The following PDE8B variants were observed in gnomAD, a reference collection of about 807,000 sequenced individuals.
The protein encoded by PDE8B is high affinity cAMP-specific and IBMX-insensitive 3',5'-cyclic phosphodiesterase 8B.
Under a neutral mutation model 101.3 loss-of-function variants are expected in PDE8B, and 26 were observed. The ratio of observed to expected loss-of-function variants is 0.26; its 90% CI spans 0.19 to 0.36. The LOEUF (loss-of-function observed/expected upper bound fraction) is 0.36. Among genes scored for constraint, PDE8B ranks in the 10% least tolerant of loss-of-function variants. The pLI is 1.00. For missense variants in PDE8B, 810 were observed against 1,163.1 expected (o/e 0.70, Z 4.42); for synonymous variants, 424 against 429.3 (o/e 0.99, Z 0.15).
the PDE8B span, among the ~76,000 whole-genome samples, chr5:77,172,749 T>C: frequency 6.6e-6 from 1 of 152,212 alleles, no homozygotes. Context: ...GTACCAGTGC[T>C]GACTAGGGGG....
intron 12 of PDE8B, among the ~76,000 whole-genome samples, chr5:77,405,723 A>T (rs1481340798): frequency 1.3e-5 from 2 of 152,156 alleles, no homozygotes; most frequent in Non-Finnish European, 1.5e-5. Flanking sequence ...ATGAACCAAG[A>T]ACAAGAGGGG....
chr5:77,168,775 C>T, the PDE8B span, among the ~76,000 whole-genome samples: 1 of 152,336 alleles, frequency 6.6e-6, no homozygotes, highest in South Asian at 2.1e-4. Flanking sequence ...GGTCCAGACA[C>T]AGCATTTCTA....
chr5:77,425,819 G>A lies in PDE8B; in HGVS notation c.2471G>A (p.Arg824Gln), dbSNP rs771924329. 8.7e-6 allele frequency: 14 copies of A among 1,612,532 alleles called. No individual in the cohort carries two copies. Among genetic ancestry groups the A allele is most frequent in the African/African-American group, 1.3e-5 (1 of 74,854 alleles). Residue 824 changes from arginine to glutamine, a missense_variant, in exon 21 of 22, where the codon CGG becomes CAG. Arg to Gln is a conservative substitution (Grantham distance 43, BLOSUM62 1). Transcript: ENST00000264917. ...CCTGTGGTGATGCCAGTGTTTGACC[G>A]GAATACCTGTAGCATCCCCAAGTCT... Reference protein sequence around the residue: ...GLPVVMPVFDRNTCSIPKSQI... With the variant: ...GLPVVMPVFDQNTCSIPKSQI...
rs922415132 is a variant in PDE8B at position 77,211,687 on chromosome 5, C to T, written c.339+423C>T. On this transcript the variant is annotated intron_variant, in intron 1 of 21. Coordinates refer to ENST00000264917, the MANE Select transcript of PDE8B (RefSeq NM_003719.5). The surrounding 1 kb of genome is among the most constrained non-coding windows in gnomAD (Gnocchi z 4.1). ...GCCTTGTAGGTGACTGGTGCAGTTG[C>T]AGCACCAGGATAGATAGTGCCCCAT... Among the ~76,000 whole-genome samples, 1 of 152,246 alleles carries T rather than the reference C, an allele frequency of 6.6e-6. No homozygotes were observed. The highest frequency in any genetic ancestry group is 6.5e-5 in the Admixed American group (1 of 15,290).
In PDE8B at chr5:77,417,668, T is replaced by G. The variant is rs76991949; in HGVS notation, c.1912-561T>G. ...CCTTTGCTGCCTGCTAGCCCAGAGC[T>G]GAATTTTGTTCTTATTTGCAAGAAC... On this transcript the variant is annotated intron_variant, in intron 17 of 21. Transcript: ENST00000264917. 8.3e-3 allele frequency among the ~76,000 whole-genome samples: 1,262 copies of G among 152,324 alleles called. 21 individuals are homozygous for G. Among genetic ancestry groups the G allele is most frequent in the African/African-American group, 0.029 (1,205 of 41,556 alleles).
the PDE8B span, among the ~76,000 whole-genome samples, chr5:77,198,479 C>T: frequency 6.6e-6 from 1 of 152,148 alleles, no homozygotes; most frequent in Admixed American, 6.5e-5. Flanking sequence ...CTACAAAAGC[C>T]TGTCTGAGCC....
In PDE8B at chr5:77,349,527, G is replaced by A. The variant is rs764138388; in HGVS notation, c.985G>A (p.Asp329Asn). ...CGATAAGAACCGGGCAGACCTTCTC[G>A]ACACCATCAATACATGCATCAAGAA... ...KSDKNRADLL[D>N]TINTCIKKGK... The change falls in exon 8 of 22, where the codon GAC (aspartate) becomes AAC (asparagine). Residue 329 changes from aspartate (D) to asparagine (N), a missense_variant. Around this residue, in one of 4 missense-constraint regions of PDE8B, gnomAD observed 251 missense variants for 378.8 expected, o/e 0.66. Transcript: ENST00000264917. 5.0e-6 allele frequency: 8 copies of A among 1,613,936 alleles called. No homozygotes were observed. Among genetic ancestry groups the A allele is most frequent in the East Asian group, 2.2e-5 (1 of 44,892 alleles).
chr5:77,244,210 G>A (rs1222299756), intron 1 of PDE8B, among the ~76,000 whole-genome samples: 1 of 152,052 alleles, frequency 6.6e-6, no homozygotes, highest in Non-Finnish European at 1.5e-5. Flanking sequence ...CTTGGGGGTG[G>A]GGTAAACCGG....
Position 77,354,234 on chromosome 5 carries a change from G to A in PDE8B, c.1167+828G>A, listed in dbSNP as rs374912300. On this transcript the variant is annotated intron_variant, in intron 10 of 21. Transcript: ENST00000264917. ...CCTGGAGATCAACTGGAACCAGCAG[G>A]ACGTGAGTAGACAGTGGGGTGAGCC... 8.9e-4 allele frequency among the ~76,000 whole-genome samples: 135 copies of A among 152,310 alleles called. 1 individual carries two copies. Among genetic ancestry groups the A allele is most frequent in the Non-Finnish European group, 1.6e-3 (108 of 68,026 alleles).
At position 77,425,334 on chromosome 5, in the gene PDE8B, G is replaced by A. The variant is rs532434360; in HGVS notation, c.2419-433G>A. On this transcript the variant is annotated intron_variant, in intron 20 of 21. Coordinates refer to ENST00000264917, the MANE Select transcript of PDE8B (RefSeq NM_003719.5). ...CCAGCACTTTGGGAGGCCAAGGGAG[G>A]CAGATCATCTGAGGTCAGGAGTTCA... Among the ~76,000 whole-genome samples, 12 of 152,304 alleles carry A rather than the reference G, an allele frequency of 7.9e-5. No individual in the cohort carries two copies. The South Asian group carries it at 2.3e-3, about 29-fold the overall frequency.
At chr5:77,107,914 TTC>T in the PDE8B span, among the ~76,000 whole-genome samples, 1 of 152,192 alleles carries the variant, frequency 6.6e-6, no homozygotes, top group African/African-American at 2.4e-5. Flanking sequence ...ATACAGGGAA[TTC>T]GTATTCCCCT....
chr5:77,423,211 A>G (rs1039383379), intron 20 of PDE8B, among the ~76,000 whole-genome samples: 5 of 152,204 alleles, frequency 3.3e-5, no homozygotes, highest in Non-Finnish European at 5.9e-5. Context: ...TTATGGCTGC[A>G]TAGTATTCCA....
In PDE8B at chr5:77,230,669, C is replaced by G. The variant is rs546646457; in HGVS notation, c.339+19405C>G. Among the ~76,000 whole-genome samples, 5 of 152,188 alleles carry G rather than the reference C, an allele frequency of 3.3e-5. No homozygotes were observed. In the South Asian group the frequency reaches 1.0e-3, roughly 32 times the overall value. On this transcript the variant is annotated intron_variant, in intron 1 of 21. Transcript: ENST00000264917. The stretch of plus-strand genomic sequence containing the variant: ...TTTTGTATTTTGGCCAGGCTGGTCT[C>G]GAACTTCTGACCTCAAGTGATCCAC...
At chr5:77,360,877 C>T (rs1186288498) in intron 10 of PDE8B, among the ~76,000 whole-genome samples, 2 of 152,182 alleles carry the variant, frequency 1.3e-5, no homozygotes, top group African/African-American at 2.4e-5. Context: ...TACAGAGCCT[C>T]ATGACCACTC....
At position 77,389,429 on chromosome 5, in the gene PDE8B, A is replaced by G. The variant is rs957178632; in HGVS notation, c.1168-10819A>G. On this transcript the variant is annotated intron_variant, in intron 10 of 21. Transcript: ENST00000264917. ...TGCCCAACCAGTCCCAATGAGATGA[A>G]CCCCGGGTACCTCAGTTGGAAATAC... is the stretch of plus-strand genomic sequence containing the variant. Among the ~76,000 whole-genome samples, 3 of 151,844 alleles carry G rather than the reference A, an allele frequency of 2.0e-5. No homozygotes were observed. The South Asian group carries it at 6.2e-4, about 32-fold the overall frequency.
At chr5:77,176,538 T>A in the PDE8B span, among the ~76,000 whole-genome samples, 1 of 152,204 alleles carries the variant, frequency 6.6e-6, no homozygotes, top group Admixed American at 6.5e-5. Context: ...CTTTGGCACA[T>A]CTCAGTTGGA....
At chr5:77,334,650 A>T (rs769703091) in intron 5 of PDE8B, among the ~76,000 whole-genome samples, 5 of 152,180 alleles carry the variant, frequency 3.3e-5, no homozygotes, top group Non-Finnish European at 5.9e-5. Context: ...TCCTCTACAT[A>T]TGAGGGATTT....
At chr5:77,355,161 G>C (rs1781845422) in intron 10 of PDE8B, among the ~76,000 whole-genome samples, 1 of 152,166 alleles carries the variant, frequency 6.6e-6, no homozygotes, top group South Asian at 2.1e-4. Flanking sequence ...CAGGACTTTA[G>C]GATACAGGGG....
At chr5:77,278,563 G>T (rs899029192) in intron 1 of PDE8B, among the ~76,000 whole-genome samples, 3 of 151,960 alleles carry the variant, frequency 2.0e-5, no homozygotes, top group Admixed American at 1.3e-4. Flanking sequence ...TCTGCCTCCC[G>T]GGTTCATGCC....
Sources: gnomAD v4.1 joint callset for allele counts (sites outside exome capture counted in the v4.1 genomes callset) on GRCh38, gnomAD v4.1.1 for gene constraint, gnomAD v4.1.1 regional missense constraint, Gnocchi (gnomAD v3.1) non-coding constraint, MANE v1.5 for transcripts, NCBI Gene and HGNC (gene_info 2026-07-23, HGNC 2026-07-21) for gene names.